Variants in STRN observed in about 807,000 individuals in gnomAD.
The protein encoded by STRN is striatin.
A neutral mutation model predicts 96.3 loss-of-function variants in STRN; 53 were observed. The ratio of observed to expected loss-of-function variants is 0.55; its 90% CI spans 0.44 to 0.69. The LOEUF (loss-of-function observed/expected upper bound fraction) is 0.69, where lower values mean the gene tolerates loss of function less well. Ranked by LOEUF, STRN falls within the 30% of genes least tolerant of loss-of-function variation. STRN has a pLI of 0.00. For missense variants in STRN, 987 were observed against 963.9 expected, an observed-to-expected ratio of 1.02 and a Z score of -0.32; for synonymous variants, 428 against 355.9, an observed-to-expected ratio of 1.20 and a Z score of -2.28.
chr2:36,907,212 G>A (rs965138904), intron 3 of STRN, among the ~76,000 whole-genome samples: 2 of 152,132 alleles, frequency 1.3e-5, no homozygotes, highest in Non-Finnish European at 2.9e-5. Flanking sequence ...TTCAAGTGGA[G>A]ATACAATAGG....
intron 5 of STRN, among the ~76,000 whole-genome samples, chr2:36,902,249 T>G (rs938916348): frequency 6.6e-5 from 10 of 152,208 alleles, no homozygotes; most frequent in African/African-American, 2.4e-4. Context: ...TTTTTACGAC[T>G]TCTGGATCAC....
intron 1 of STRN, among the ~76,000 whole-genome samples, chr2:36,951,943 G>A (rs757576025): frequency 9.8e-5 from 15 of 152,294 alleles, no homozygotes; most frequent in East Asian, 3.9e-4. Context: ...ATAGGAGCAC[G>A]GATCCTACTG....
Position 36,894,016 on chromosome 2 carries a change from T to G in STRN, c.813A>C (p.Ala271=). The G allele has an allele frequency of 6.2e-7, 1 of 1,612,482 alleles. No individual in the cohort carries two copies. Residue 271 remains alanine, a synonymous_variant, in exon 7 of 18, where the codon GCA becomes GCC. Coordinates refer to ENST00000263918, the MANE Select transcript of STRN (RefSeq NM_003162.4). The stretch of plus-strand genomic sequence containing the variant: ...CTCGATCTTCACCGCTGTCAGGCAA[T>G]GCTTTTTTCCTAACAATCTAATGAA... The part of the protein sequence containing the change: ...IDTSTIVRKK[A]LPDSGEDRDT...
At chr2:36,929,173 A>G (rs574423404) in intron 1 of STRN, among the ~76,000 whole-genome samples, 1 of 151,662 alleles carries the variant, frequency 6.6e-6, no homozygotes, top group South Asian at 2.1e-4. Context: ...AACAAAAAAG[A>G]TAAAAATAAT....
intron 2 of STRN, among the ~76,000 whole-genome samples, chr2:36,917,149 AAC>A (rs1200423607): frequency 1.3e-5 from 2 of 152,012 alleles, no homozygotes; most frequent in Non-Finnish European, 2.9e-5. Context: ...AGCAAAGTGT[AAC>A]ACAGCCAAAT....
intron 2 of STRN, among the ~76,000 whole-genome samples, chr2:36,917,130 A>G (rs372383091): frequency 1.3e-5 from 2 of 152,088 alleles, no homozygotes; most frequent in African/African-American, 4.8e-5. Context: ...ATAATAAAGT[A>G]ATAAAGGAAG....
intron 16 of STRN, 152 bp from the exon 17 acceptor site, chr2:36,849,952 C>CT: frequency 1.4e-6 from 1 of 716,382 alleles, no homozygotes; most frequent in African/African-American, 1.8e-5. Context: ...ACATGTCTCC[C>CT]TCTTGCCTCT....
chr2:36,880,455 AAT>A (rs1268553786), intron 9 of STRN, among the ~76,000 whole-genome samples: 4 of 152,222 alleles, frequency 2.6e-5, no homozygotes, highest in Admixed American at 2.6e-4. Flanking sequence ...AAAATTTAAA[AAT>A]AGTTACTTGC....
chr2:36,894,231 G>A (rs996637409), intron 6 of STRN, among the ~76,000 whole-genome samples, 198 bp from the exon 7 acceptor site: 4 of 152,084 alleles, frequency 2.6e-5, no homozygotes, highest in Non-Finnish European at 5.9e-5. Context: ...TTTGCTCAAC[G>A]GTATTATGGC....
At chr2:36,898,143 A>G (rs1295838656) in intron 6 of STRN, among the ~76,000 whole-genome samples, 2 of 152,350 alleles carry the variant, frequency 1.3e-5, no homozygotes, top group Non-Finnish European at 1.5e-5. Flanking sequence ...ATTTAAATTG[A>G]TATCACTAAC....
At chr2:36,919,843 T>C (rs1353679265) in intron 2 of STRN, among the ~76,000 whole-genome samples, 1 of 152,238 alleles carries the variant, frequency 6.6e-6, no homozygotes, top group African/African-American at 2.4e-5. Context: ...TTCCTCAACA[T>C]AGATGTTCCT....
Position 36,845,346 on chromosome 2 carries a change from C to G in STRN, c.*4110G>C, listed in dbSNP as rs939649822. ...CTTAAATGACAAAGCCTGAGAAAAGCACCAACATAGATTTTTTTTTAATTG... is the reference window on the plus strand; with the variant it reads ...CTTAAATGACAAAGCCTGAGAAAAGGACCAACATAGATTTTTTTTTAATTG... On this transcript the variant is annotated 3_prime_UTR_variant, in exon 18 of 18. Coordinates refer to ENST00000263918, the MANE Select transcript of STRN (RefSeq NM_003162.4). 6 of 151,668 alleles carry G rather than the reference C, an allele frequency of 4.0e-5. No individual in the cohort carries two copies. The highest frequency in any genetic ancestry group is 2.6e-4 in the Admixed American group (4 of 15,254). 9.4% of individuals were successfully genotyped at this position (151,668 alleles called of 1,614,324 possible).
At chr2:36,915,527 G>T (rs1373224046) in intron 3 of STRN, among the ~76,000 whole-genome samples, 1 of 151,826 alleles carries the variant, frequency 6.6e-6, no homozygotes, top group Non-Finnish European at 1.5e-5. Flanking sequence ...GTAGGAAAAA[G>T]AAAAAGAAGA....
At chr2:36,964,513 A>C (rs895340533) in intron 1 of STRN, among the ~76,000 whole-genome samples, 4 of 152,230 alleles carry the variant, frequency 2.6e-5, no homozygotes, top group Non-Finnish European at 4.4e-5. Flanking sequence ...AGGTCAAAGA[A>C]GACTTGCAAA....
chr2:36,868,966 AG>A (rs906089780), intron 11 of STRN, among the ~76,000 whole-genome samples: 4 of 152,034 alleles, frequency 2.6e-5, no homozygotes, highest in Admixed American at 6.6e-5. Flanking sequence ...TGACTTTTAA[AG>A]GGTTTATACT....
intron 1 of STRN, among the ~76,000 whole-genome samples, chr2:36,952,490 A>G (rs1664777603): frequency 6.6e-6 from 1 of 151,538 alleles, no homozygotes; most frequent in South Asian, 2.1e-4. Flanking sequence ...GCTTCTACTT[A>G]CCATGCCCAG....
At chr2:36,936,033 A>C (rs1216462879) in intron 1 of STRN, among the ~76,000 whole-genome samples, 1 of 152,144 alleles carries the variant, frequency 6.6e-6, no homozygotes, top group Non-Finnish European at 1.5e-5. Flanking sequence ...ACGTACTTAG[A>C]CAAAAGCAAA....
chr2:36,839,226 C>T lies in STRN; in HGVS notation c.*10230G>A, dbSNP rs1267371197. On this transcript the variant is annotated 3_prime_UTR_variant, in exon 18 of 18. Coordinates refer to ENST00000263918, the MANE Select transcript of STRN (RefSeq NM_003162.4). ...ACCTGAAAAACATCAAATCATCCCC[C>T]TTCCCTGCTCTATTTTTTTTCCCTC... Among the ~76,000 whole-genome samples, 1 of 152,120 alleles carries T rather than the reference C, an allele frequency of 6.6e-6. No homozygotes were observed. The highest frequency in any genetic ancestry group is 2.4e-5 in the African/African-American group (1 of 41,432).
At chr2:36,936,908 TA>T (rs1268652675) in intron 1 of STRN, among the ~76,000 whole-genome samples, 2 of 152,220 alleles carry the variant, frequency 1.3e-5, no homozygotes, top group Non-Finnish European at 2.9e-5. Flanking sequence ...CCTTCTGAAA[TA>T]ATCTTTCTAT....
Sources: allele counts gnomAD v4.1 joint callset (sites outside exome capture counted in the v4.1 genomes callset), GRCh38; gene constraint gnomAD v4.1.1; transcripts MANE v1.5; gene names NCBI Gene and HGNC (gene_info 2026-07-23, HGNC 2026-07-21).